Variants in DPP6 observed in about 807,000 individuals in gnomAD.
The protein encoded by DPP6 is A-type potassium channel modulatory protein DPP6.
DPP6 carries 69 observed loss-of-function variants against 122.6 expected under a neutral mutation model. The ratio of observed to expected loss-of-function variants is 0.56; its 90% CI spans 0.46 to 0.69. The LOEUF is 0.69. DPP6 is among the 30% of genes least tolerant of loss of function. DPP6 has a pLI of 0.00. For missense variants in DPP6, 928 were observed against 1,116.9 expected (o/e 0.83, Z 2.41); for synonymous variants, 418 against 433.1 (o/e 0.97, Z 0.43).
intron 3 of DPP6, among the ~76,000 whole-genome samples, chr7:154,510,473 GT>G (rs1375235097): frequency 3.9e-5 from 6 of 152,132 alleles, no homozygotes; most frequent in Non-Finnish European, 1.5e-5. Flanking sequence ...GCTGAGGCAG[GT>G]GGATCATGAG....
At chr7:153,970,005 A>G (rs1563060984) in intron 1 of DPP6, among the ~76,000 whole-genome samples, 1 of 152,166 alleles carries the variant, frequency 6.6e-6, no homozygotes, top group East Asian at 1.9e-4. Context: ...TTGCATGCTT[A>G]TCAGTAGTTC....
Position 154,399,744 on chromosome 7 carries a change from G to A in DPP6, c.244-46470G>A, listed in dbSNP as rs564052926. On this transcript the variant is annotated intron_variant, in intron 1 of 25. Transcript: ENST00000377770. The stretch of plus-strand genomic sequence containing the variant: ...GGATGCATGGGAGAACGCAGGGGTG[G>A]GGGAGGGACCCATCAGTTGGTGCCT... 1.7e-4 allele frequency among the ~76,000 whole-genome samples: 26 copies of A among 152,266 alleles called. 1 individual carries two copies. In the South Asian group the frequency reaches 5.2e-3, roughly 30 times the overall value.
intron 8 of DPP6, among the ~76,000 whole-genome samples, chr7:154,754,728 A>C (rs1234923431): frequency 6.6e-6 from 1 of 152,176 alleles, no homozygotes; most frequent in Non-Finnish European, 1.5e-5. Context: ...AACCAACCCA[A>C]ATGCTCATCA....
chr7:154,298,185 T>A (rs972297057), intron 1 of DPP6, among the ~76,000 whole-genome samples: 3 of 152,118 alleles, frequency 2.0e-5, no homozygotes, highest in Admixed American at 1.3e-4. Context: ...TTCCCCGGGT[T>A]TCCAGCCAGC....
At chr7:154,509,586 A>T (rs1825905761) in intron 3 of DPP6, among the ~76,000 whole-genome samples, 1 of 152,198 alleles carries the variant, frequency 6.6e-6, no homozygotes, top group Admixed American at 6.5e-5. Context: ...AGACAAATAA[A>T]CATAGAGTTA....
chr7:153,753,308 C>T, the DPP6 span, among the ~76,000 whole-genome samples: 2 of 152,058 alleles, frequency 1.3e-5, no homozygotes, highest in Non-Finnish European at 2.9e-5. Flanking sequence ...AATATTTTTA[C>T]ATTTTATTCT....
At chr7:154,856,746 A>AT (rs1188530279) in intron 17 of DPP6, among the ~76,000 whole-genome samples, 11 of 152,182 alleles carry the variant, frequency 7.2e-5, no homozygotes, top group Non-Finnish European at 1.6e-4. Context: ...ATAAATGGGA[A>AT]TTTTTTAGGA....
intron 2 of DPP6, among the ~76,000 whole-genome samples, chr7:154,473,894 C>T (rs1822502707): frequency 2.0e-5 from 3 of 152,128 alleles, no homozygotes; most frequent in Non-Finnish European, 4.4e-5. Context: ...AAGATCACCC[C>T]ACATAGCAGC....
chr7:154,395,894 G>A lies in DPP6; in HGVS notation c.244-50320G>A, dbSNP rs181602927. 5.6e-4 allele frequency among the ~76,000 whole-genome samples: 83 copies of A among 148,070 alleles called. No homozygotes were observed. The East Asian group carries it at 0.013, about 23-fold the overall frequency. The stretch of plus-strand genomic sequence containing the variant: ...AGTATGATGTTCACTCTGGGTTTTT[G>A]TATGGATTTTATTTATTTTGAGGTA... On this transcript the variant is annotated intron_variant, in intron 1 of 25. Transcript: ENST00000377770.
chr7:154,153,194 CTTTAT>C (rs1435254195), intron 1 of DPP6, among the ~76,000 whole-genome samples: 1 of 152,258 alleles, frequency 6.6e-6, no homozygotes, highest in East Asian at 1.9e-4. Context: ...GTTACTTTTA[CTTTAT>C]TTTATTTTAA....
intron 7 of DPP6, among the ~76,000 whole-genome samples, chr7:154,677,222 G>A (rs1468527117): frequency 6.6e-6 from 1 of 152,086 alleles, no homozygotes; most frequent in Non-Finnish European, 1.5e-5. Flanking sequence ...CTATTCCAAG[G>A]ATAGCTGTTT....
the DPP6 span, among the ~76,000 whole-genome samples, chr7:153,780,042 C>G: frequency 6.6e-6 from 1 of 151,138 alleles, no homozygotes; most frequent in Non-Finnish European, 1.5e-5. Context: ...AACACAGGTG[C>G]TTGGAGGAGT....
At chr7:154,735,356 TA>T (rs950854592) in intron 8 of DPP6, among the ~76,000 whole-genome samples, 8 of 152,248 alleles carry the variant, frequency 5.3e-5, no homozygotes, top group South Asian at 4.1e-4. Context: ...ATTGAGTACT[TA>T]AAAAAATTAT....
the DPP6 span, among the ~76,000 whole-genome samples, chr7:153,791,059 AC>A: frequency 6.6e-6 from 1 of 152,224 alleles, no homozygotes; most frequent in Non-Finnish European, 1.5e-5. Flanking sequence ...ATTATTATAG[AC>A]AATCTTTTAT....
intron 1 of DPP6, among the ~76,000 whole-genome samples, chr7:153,903,540 C>T (rs1799726430): frequency 6.6e-6 from 1 of 152,192 alleles, no homozygotes; most frequent in South Asian, 2.1e-4. Context: ...ATGTGTGTCA[C>T]TGTGTCATCT....
chr7:154,391,057 T>C (rs1045569168), intron 1 of DPP6, among the ~76,000 whole-genome samples: 18 of 152,170 alleles, frequency 1.2e-4, no homozygotes, highest in African/African-American at 3.9e-4. Flanking sequence ...AATGAGGTGA[T>C]GTGCATAAAG....
intron 8 of DPP6, among the ~76,000 whole-genome samples, chr7:154,758,731 T>C (rs1480738048): frequency 6.7e-6 from 1 of 149,292 alleles, no homozygotes; most frequent in Non-Finnish European, 1.5e-5. Context: ...AACTGATAAC[T>C]GCAGGTTTTT....
chr7:154,873,223 T>A (rs1804539938), intron 19 of DPP6, among the ~76,000 whole-genome samples: 1 of 152,220 alleles, frequency 6.6e-6, no homozygotes. Flanking sequence ...TTGAAGGTGT[T>A]GGGTCTGATT....
chr7:154,892,215 CA>C (rs1313984249), intron 25 of DPP6, 118 bp from the exon 26 acceptor site: 13 of 1,355,962 alleles, frequency 9.6e-6, no homozygotes, highest in Non-Finnish European at 1.3e-5. Flanking sequence ...CCCACTTCAT[CA>C]ACTACAATCC....
Sources: gnomAD v4.1 joint callset for allele counts (sites outside exome capture counted in the v4.1 genomes callset) on GRCh38, gnomAD v4.1.1 for gene constraint, MANE v1.5 for transcripts, NCBI Gene and HGNC (gene_info 2026-07-23, HGNC 2026-07-21) for gene names.